The following LRCH1 variants were observed in gnomAD, a reference collection of about 807,000 sequenced individuals.
LRCH1 encodes the protein leucine-rich repeat and calponin homology domain-containing protein 1.
A neutral mutation model predicts 94.9 loss-of-function variants in LRCH1; 23 were observed. The ratio of observed to expected loss-of-function variants is 0.24; its 90% CI spans 0.17 to 0.34. LRCH1 has a LOEUF of 0.34. Ranked by LOEUF, LRCH1 falls within the 10% of genes least tolerant of loss-of-function variation. The pLI, the probability that LRCH1 is intolerant of heterozygous loss-of-function variation, is 1.00. For missense variants in LRCH1, 790 were observed against 945.9 expected (o/e 0.84, Z 2.16); for synonymous variants, 364 against 354.9 (o/e 1.03, Z -0.29).
rs1346590278 is a variant in LRCH1 at position 46,705,257 on chromosome 13, T to G, written c.1491-11T>G. The stretch of plus-strand genomic sequence containing the variant: ...CTTTGTATCTTTTTTTTTCTTTCCT[T>G]GTTCTCACAGTGGTCAAATACAGCT... On this transcript the variant is annotated splice_polypyrimidine_tract_variant and intron_variant, in intron 12 of 19. Transcript: ENST00000389797. 1 of 1,609,000 alleles carries G rather than the reference T, an allele frequency of 6.2e-7. No homozygotes were observed. Among genetic ancestry groups the G allele is most frequent in the Non-Finnish European group, 8.5e-7 (1 of 1,178,384 alleles).
intron 1 of LRCH1, among the ~76,000 whole-genome samples, chr13:46,639,573 G>A (rs1566193288): frequency 6.6e-6 from 1 of 152,174 alleles, no homozygotes; most frequent in African/African-American, 2.4e-5. Flanking sequence ...AAGCCTCACA[G>A]TGGAAAGTTT....
intron 3 of LRCH1, among the ~76,000 whole-genome samples, chr13:46,674,343 G>A (rs2051642815): frequency 1.3e-5 from 2 of 152,038 alleles, no homozygotes; most frequent in Non-Finnish European, 2.9e-5. Context: ...AGGGAATGTC[G>A]AAAAGCAGTT....
At position 46,634,100 on chromosome 13, in the gene LRCH1, G is replaced by A. The variant is rs556058352; in HGVS notation, c.308-16101G>A. On this transcript the variant is annotated intron_variant, in intron 1 of 19. Coordinates refer to ENST00000389797, the MANE Select transcript of LRCH1 (RefSeq NM_001164211.2). ...TCACCATGTTGTTCAGGCTGGTCTC[G>A]AACTCCTGACCTCGTGATCTGCCCG... Among the ~76,000 whole-genome samples, 4 of 152,008 alleles carry A rather than the reference G, an allele frequency of 2.6e-5. No individual in the cohort carries two copies. In the South Asian group the frequency reaches 6.2e-4, roughly 24 times the overall value.
At chr13:46,585,050 T>C (rs2050415440) in intron 1 of LRCH1, among the ~76,000 whole-genome samples, 1 of 152,190 alleles carries the variant, frequency 6.6e-6, no homozygotes, top group Admixed American at 6.5e-5. Context: ...ATGGGGGTAA[T>C]AGTGACATTG....
At chr13:46,649,772 T>C (rs1374581538) in intron 1 of LRCH1, among the ~76,000 whole-genome samples, 1 of 150,788 alleles carries the variant, frequency 6.6e-6, no homozygotes, top group Non-Finnish European at 1.5e-5. Flanking sequence ...GAGATTGCAG[T>C]GAGCTGAAAT....
At chr13:46,656,286 G>A (rs1444156349) in intron 2 of LRCH1, among the ~76,000 whole-genome samples, 1 of 152,086 alleles carries the variant, frequency 6.6e-6, no homozygotes, top group Non-Finnish European at 1.5e-5. Flanking sequence ...TTCTCTCCTT[G>A]CACTGACAAT....
intron 2 of LRCH1, among the ~76,000 whole-genome samples, chr13:46,650,587 T>A (rs1249073483): frequency 2.0e-5 from 3 of 151,808 alleles, no homozygotes; most frequent in Non-Finnish European, 4.4e-5. Flanking sequence ...TGATTTATAT[T>A]ATATCATTTA....
intron 1 of LRCH1, among the ~76,000 whole-genome samples, chr13:46,615,131 T>C (rs1036351107): frequency 2.6e-5 from 4 of 152,216 alleles, no homozygotes; most frequent in Non-Finnish European, 5.9e-5. Context: ...CTGTTCTGTG[T>C]TGCAATAAAG....
At chr13:46,646,859 TC>T (rs1313662573) in intron 1 of LRCH1, among the ~76,000 whole-genome samples, 1 of 152,164 alleles carries the variant, frequency 6.6e-6, no homozygotes, top group Non-Finnish European at 1.5e-5. Context: ...ATGCCTGTAA[TC>T]CCAGCACTTT....
At chr13:46,578,357 C>T (rs914315069) in intron 1 of LRCH1, among the ~76,000 whole-genome samples, 4 of 152,170 alleles carry the variant, frequency 2.6e-5, no homozygotes, top group African/African-American at 7.2e-5. Context: ...GCTTGGGTGC[C>T]ACCTTATATA....
intron 1 of LRCH1, among the ~76,000 whole-genome samples, chr13:46,602,252 C>A (rs960236410): frequency 6.6e-6 from 1 of 152,216 alleles, no homozygotes; most frequent in Admixed American, 6.5e-5. Context: ...TTAGAAGGAT[C>A]TTTGAAGATG....
chr13:46,614,522 A>G (rs547412442), intron 1 of LRCH1, among the ~76,000 whole-genome samples: 4 of 152,362 alleles, frequency 2.6e-5, no homozygotes, highest in African/African-American at 9.6e-5. Flanking sequence ...CTTAGAGGGA[A>G]AAGCATGCAC....
At chr13:46,722,216 A>G (rs1593376538) in intron 16 of LRCH1, among the ~76,000 whole-genome samples, 1 of 152,300 alleles carries the variant, frequency 6.6e-6, no homozygotes, top group South Asian at 2.1e-4. Context: ...TCTATGTGGT[A>G]TGGATTTCTA....
At chr13:46,613,251 G>A (rs184623037) in intron 1 of LRCH1, among the ~76,000 whole-genome samples, 18 of 152,118 alleles carry the variant, frequency 1.2e-4, no homozygotes, top group African/African-American at 2.7e-4. Context: ...TTAGCCGAGC[G>A]TGGTGGCACG....
At chr13:46,618,046 G>T (rs1296608756) in intron 1 of LRCH1, among the ~76,000 whole-genome samples, 1 of 152,116 alleles carries the variant, frequency 6.6e-6, no homozygotes, top group South Asian at 2.1e-4. Flanking sequence ...TAACGACAGG[G>T]ACACATTCTG....
At chr13:46,724,807 T>A (rs1415645135) in intron 17 of LRCH1, among the ~76,000 whole-genome samples, 3 of 152,202 alleles carry the variant, frequency 2.0e-5, no homozygotes, top group African/African-American at 7.2e-5. Context: ...AGAAAGCTTC[T>A]TGACTAATAA....
At position 46,553,240 on chromosome 13, in the gene LRCH1, C is replaced by CCCCAAATAA; in HGVS notation, c.-155_-154insCAAATAACC. On this transcript the variant is annotated 5_prime_UTR_variant, in exon 1 of 20. Coordinates refer to ENST00000389797, the MANE Select transcript of LRCH1 (RefSeq NM_001164211.2). ...GCCACGGCCGCCTCCCCGCCCGCCC[C>CCCCAAATAA]CCATTCTACGCGCCTGCCCACACCC... The CCCCAAATAA allele has an allele frequency of 1.8e-6, 1 of 569,600 alleles. No homozygotes were observed. The highest frequency in any genetic ancestry group is 2.0e-5 in the African/African-American group (1 of 50,506). The allele number at this position is 569,600 out of a possible 1,614,324, so 35.3% of individuals were successfully genotyped here.
rs117315438 is a variant in LRCH1, at chr13:46,741,858, G to A, written c.*10G>A. On this transcript the variant is annotated 3_prime_UTR_variant, in exon 20 of 20. Transcript: ENST00000389797. ...TGCTCTGTCCGCATAATGTCTGCAC[G>A]TGCATCCAAACGCTGTGCTCTGTCG... is the stretch of plus-strand genomic sequence containing the variant. The A allele has an allele frequency of 1.3e-4, 203 of 1,613,520 alleles. No individual in the cohort carries two copies. The East Asian group carries it at 3.5e-3, about 27-fold the overall frequency.
chr13:46,568,925 ATACC>A (rs1485019466), intron 1 of LRCH1, among the ~76,000 whole-genome samples: 1 of 152,210 alleles, frequency 6.6e-6, no homozygotes, highest in Admixed American at 6.5e-5. Flanking sequence ...AACATTTCCA[ATACC>A]TTTTTAGCTT....
Sources: gnomAD v4.1 joint callset for allele counts (sites outside exome capture counted in the v4.1 genomes callset) on GRCh38, gnomAD v4.1.1 for gene constraint, MANE v1.5 for transcripts, NCBI Gene and HGNC (gene_info 2026-07-23, HGNC 2026-07-21) for gene names.